The following TIGAR variants were observed in gnomAD, a reference collection of about 807,000 sequenced individuals.
The protein encoded by TIGAR is fructose-2,6-bisphosphatase TIGAR.
In TIGAR, 7 loss-of-function variants were observed where a neutral mutation model predicts 17.9. The ratio of observed to expected loss-of-function variants is 0.39; its 90% confidence interval spans 0.22 to 0.73. The LOEUF (loss-of-function observed/expected upper bound fraction) is 0.73. TIGAR is among the 30% of genes least tolerant of loss of function. TIGAR has a pLI of 0.42. For missense variants in TIGAR, 258 were observed against 327.4 expected (o/e 0.79, Z 1.64); for synonymous variants, 94 against 108.6 (o/e 0.87, Z 0.84).
In TIGAR at chr12:4,352,549, C is replaced by G. The variant is rs1030722801; in HGVS notation, c.671C>G (p.Ser224Cys). The change falls in exon 6 of 6, where the codon TCT becomes TGT. Residue 224 changes from serine (S) to cysteine (C), a missense_variant. Coordinates refer to ENST00000179259, the MANE Select transcript of TIGAR (RefSeq NM_020375.3). ...TCCTTACCAGCCACTCTGAGCAGATCTGAACTTATGTCAGTCACTCCCAAT... is the reference window on the plus strand; with the variant it reads ...TCCTTACCAGCCACTCTGAGCAGATGTGAACTTATGTCAGTCACTCCCAAT... ...KCSLPATLSR[S>C]ELMSVTPNTG... 6.2e-7 allele frequency: 1 copy of G among 1,613,948 alleles called. No homozygotes were observed. The highest frequency in any genetic ancestry group is 1.3e-5 in the African/African-American group (1 of 74,924).
chr12:4,336,056 G>A (rs1864654800), intron 2 of TIGAR, among the ~76,000 whole-genome samples: 2 of 152,312 alleles, frequency 1.3e-5, no homozygotes, highest in South Asian at 4.1e-4. Flanking sequence ...AATGTCTGAA[G>A]TCTTGATGGG....
At chr12:4,324,788 C>T (rs1467212223) in intron 1 of TIGAR, 20 of 646,752 alleles carry the variant, frequency 3.1e-5, no homozygotes, top group Admixed American at 1.1e-4. Flanking sequence ...GGAAGGTCCG[C>T]TTCTTCTGCT....
Position 4,357,857 on chromosome 12 carries a change from A to G in TIGAR, c.*5166A>G, listed in dbSNP as rs548489469. 2.6e-5 allele frequency among the ~76,000 whole-genome samples: 4 copies of G among 152,184 alleles called. No homozygotes were observed. The highest frequency in any genetic ancestry group is 2.0e-4 in the Admixed American group (3 of 15,280). On this transcript the variant is annotated 3_prime_UTR_variant, in exon 6 of 6. Transcript: ENST00000179259. ...GGTGGCTCGCACCTGTAATCCCAGC[A>G]CTTTGGGAGGCCAAGGCGGGCAGAT...
chr12:4,334,311 A>G (rs1162608953), intron 2 of TIGAR, among the ~76,000 whole-genome samples: 1 of 152,140 alleles, frequency 6.6e-6, no homozygotes, highest in Non-Finnish European at 1.5e-5. Context: ...TCTGGTTAAT[A>G]TCCTCACATG....
chr12:4,341,551 A>T (rs1427361636), intron 3 of TIGAR, among the ~76,000 whole-genome samples: 3 of 152,212 alleles, frequency 2.0e-5, no homozygotes, highest in Non-Finnish European at 4.4e-5. Context: ...CTTCCAGAGG[A>T]GCGATCAGGC....
rs1210180387 is a variant in TIGAR, at chr12:4,321,251, A to C, written c.-21A>C. 6.2e-7 allele frequency: 1 copy of C among 1,600,260 alleles called. No homozygotes were observed. Among genetic ancestry groups the C allele is most frequent in the Non-Finnish European group, 8.5e-7 (1 of 1,179,766 alleles). On this transcript the variant is annotated 5_prime_UTR_variant, in exon 1 of 6. Coordinates refer to ENST00000179259, the MANE Select transcript of TIGAR (RefSeq NM_020375.3). The surrounding 1 kb of genome is among the most constrained non-coding windows in gnomAD (Gnocchi z 5.2). ...GGGGCAGCGCGGCGCGGGGCCACCG[A>C]CGGGACGCGGCTCCGGGAACATGGC...
At chr12:4,344,511 A>C (rs1352417767) in intron 3 of TIGAR, among the ~76,000 whole-genome samples, 1 of 152,220 alleles carries the variant, frequency 6.6e-6, no homozygotes, top group Non-Finnish European at 1.5e-5. Context: ...GCAGCGCAAC[A>C]AAAAGCTTAT....
At position 4,321,258 on chromosome 12, in the gene TIGAR, G is replaced by C. The variant is rs184214887; in HGVS notation, c.-14G>C. ...CGCGGCGCGGGGCCACCGACGGGAC[G>C]CGGCTCCGGGAACATGGCTCGCTTC... On this transcript the variant is annotated 5_prime_UTR_variant, in exon 1 of 6. Coordinates refer to ENST00000179259, the MANE Select transcript of TIGAR (RefSeq NM_020375.3). This position sits in a 1 kb window ranked among gnomAD's most constrained non-coding sequence, Gnocchi z 5.2. 7.1e-4 allele frequency: 1,144 copies of C among 1,600,780 alleles called. 8 individuals are homozygous for C. In the African/African-American group the frequency reaches 0.014, roughly 19 times the overall value.
At chr12:4,351,836 T>G (rs1864841066) in intron 5 of TIGAR, among the ~76,000 whole-genome samples, 2 of 152,188 alleles carry the variant, frequency 1.3e-5, no homozygotes, top group South Asian at 4.1e-4. Context: ...CTCCTTAATC[T>G]TTATCTTAAT....
chr12:4,333,154 C>A (rs1864621486), intron 2 of TIGAR, among the ~76,000 whole-genome samples: 1 of 152,098 alleles, frequency 6.6e-6, no homozygotes, highest in Non-Finnish European at 1.5e-5. Flanking sequence ...GCTACTTGAG[C>A]TGTTTTGGGG....
At chr12:4,335,966 T>G (rs1480095504) in intron 2 of TIGAR, among the ~76,000 whole-genome samples, 1 of 152,282 alleles carries the variant, frequency 6.6e-6, no homozygotes, top group Non-Finnish European at 1.5e-5. Flanking sequence ...TTTTTGATGC[T>G]TACTGTTACT....
intron 5 of TIGAR, 48 bp from the exon 6 acceptor site, chr12:4,352,212 G>A: frequency 6.6e-7 from 1 of 1,514,244 alleles, no homozygotes; most frequent in Non-Finnish European, 9.0e-7. Context: ...ACGTTTTAAG[G>A]AAGTCATTAA....
Position 4,356,830 on chromosome 12 carries a change from C to A in TIGAR, c.*4139C>A, listed in dbSNP as rs192015509. On this transcript the variant is annotated 3_prime_UTR_variant, in exon 6 of 6. Coordinates refer to ENST00000179259, the MANE Select transcript of TIGAR (RefSeq NM_020375.3). ...CAGAAGTTTCCAGTTCCAGGCTTCA[C>A]CCCAGGCTCGCAGCTTCAAGCAGAG... is the stretch of plus-strand genomic sequence containing the variant. 6.6e-6 allele frequency among the ~76,000 whole-genome samples: 1 copy of A among 152,168 alleles called. No homozygotes were observed. Among genetic ancestry groups the A allele is most frequent in the Non-Finnish European group, 1.5e-5 (1 of 68,026 alleles).
rs1407471315 is a variant in TIGAR, at chr12:4,355,856, G to T, written c.*3165G>T. Among the ~76,000 whole-genome samples, 2 of 152,202 alleles carry T rather than the reference G, an allele frequency of 1.3e-5. No individual in the cohort carries two copies. The highest frequency in any genetic ancestry group is 2.9e-5 in the Non-Finnish European group (2 of 68,032). On this transcript the variant is annotated 3_prime_UTR_variant, in exon 6 of 6. Transcript: ENST00000179259. ...GGACTCGATGGTGTCAGCACTGAAG[G>T]ATGTAAGATCTGCTGCTCTGGGGAG...
At chr12:4,324,599 C>G in intron 1 of TIGAR, 1 of 1,585,646 alleles carries the variant, frequency 6.3e-7, no homozygotes, top group Non-Finnish European at 8.6e-7. Context: ...TCCGGCTTCT[C>G]CATGGGCGGT....
At chr12:4,345,322 C>G (rs534472022) in intron 3 of TIGAR, among the ~76,000 whole-genome samples, 1 of 152,278 alleles carries the variant, frequency 6.6e-6, no homozygotes, top group South Asian at 2.1e-4. Flanking sequence ...GCCAAAAGAA[C>G]AAAGCTGGAG....
rs1864854967 is a variant in TIGAR at position 4,353,012 on chromosome 12, T to C, written c.*321T>C. 3.8e-6 allele frequency: 1 copy of C among 266,606 alleles called. No individual in the cohort carries two copies. Among genetic ancestry groups the C allele is most frequent in the African/African-American group, 2.2e-5 (1 of 45,988 alleles). The allele number at this position is 266,606 out of a possible 1,614,324, so 16.5% of individuals were successfully genotyped here. ...TGTTACAACGGTTTCTTTTTCATTTTAGCCTATTTTAATGGCTATTGGTAA... is the reference window on the plus strand; with the variant it reads ...TGTTACAACGGTTTCTTTTTCATTTCAGCCTATTTTAATGGCTATTGGTAA... On this transcript the variant is annotated 3_prime_UTR_variant, in exon 6 of 6. Coordinates refer to ENST00000179259, the MANE Select transcript of TIGAR (RefSeq NM_020375.3).
intron 5 of TIGAR, among the ~76,000 whole-genome samples, chr12:4,352,034 A>G (rs891252086): frequency 1.3e-5 from 2 of 152,084 alleles, no homozygotes; most frequent in African/African-American, 4.8e-5. Flanking sequence ...GATCTTCTTC[A>G]TCTTGGTCTC....
At position 4,354,669 on chromosome 12, in the gene TIGAR, A is replaced by G. The variant is rs1053022911; in HGVS notation, c.*1978A>G. ...ATAACCACTCTATTCTATTAAATAT[A>G]GCACATTTTTGTTTATTAGTGGGCA... On this transcript the variant is annotated 3_prime_UTR_variant, in exon 6 of 6. Coordinates refer to ENST00000179259, the MANE Select transcript of TIGAR (RefSeq NM_020375.3). 1.3e-5 allele frequency: 2 copies of G among 151,660 alleles called. No individual in the cohort carries two copies. The highest frequency in any genetic ancestry group is 1.3e-4 in the Admixed American group (2 of 15,226). The allele number at this position is 151,660 out of a possible 1,614,324, so 9.4% of individuals were successfully genotyped here.
Sources: gnomAD v4.1 joint callset for allele counts (sites outside exome capture counted in the v4.1 genomes callset) on GRCh38, gnomAD v4.1.1 for gene constraint, Gnocchi (gnomAD v3.1) non-coding constraint, MANE v1.5 for transcripts, NCBI Gene and HGNC (gene_info 2026-07-23, HGNC 2026-07-21) for gene names.